Variants in POU6F2 observed in about 807,000 individuals in gnomAD.
POU6F2 encodes POU domain, class 6, transcription factor 2.
POU6F2 carries 31 observed loss-of-function variants against 71.3 expected under a neutral mutation model. The observed-to-expected ratio is 0.43, with a 90% confidence interval of 0.33 to 0.59. POU6F2 has a LOEUF of 0.59. Ranked by LOEUF, POU6F2 falls within the 20% of genes least tolerant of loss-of-function variation. The pLI is 0.04. For missense variants in POU6F2, 783 were observed against 856.8 expected (o/e 0.91, Z 1.07); for synonymous variants, 347 against 355.7 (o/e 0.98, Z 0.27).
chr7:39,423,339 A>G (rs1288033436), intron 6 of POU6F2, among the ~76,000 whole-genome samples: 1 of 152,208 alleles, frequency 6.6e-6, no homozygotes, highest in Non-Finnish European at 1.5e-5. Context: ...GAATACTCCT[A>G]CTAATCCAAA....
chr7:38,978,137 G>C (rs563226520), intron 1 of POU6F2, 79 bp downstream of exon 1: 3 of 152,230 alleles, frequency 2.0e-5, no homozygotes, highest in African/African-American at 7.2e-5. Context: ...CATATTTACA[G>C]TACCATCTTT....
intron 1 of POU6F2, among the ~76,000 whole-genome samples, chr7:39,008,242 C>T (rs1789143464): frequency 1.3e-5 from 2 of 151,232 alleles, no homozygotes; most frequent in South Asian, 4.2e-4. Context: ...GATGGTATCT[C>T]ATTGTGGTTT....
intron 1 of POU6F2, among the ~76,000 whole-genome samples, chr7:39,076,194 T>C (rs1458806938): frequency 1.3e-5 from 2 of 151,996 alleles, no homozygotes; most frequent in Non-Finnish European, 2.9e-5. Flanking sequence ...TTCCCTTCTC[T>C]TCCTTTCCTT....
chr7:39,405,072 T>G (rs1429504568), intron 5 of POU6F2: 1 of 152,176 alleles, frequency 6.6e-6, no homozygotes, highest in Non-Finnish European at 1.5e-5. Flanking sequence ...AGTAATCAAC[T>G]TAAAATGGAT....
chr7:39,016,264 A>G (rs957462293), intron 1 of POU6F2, among the ~76,000 whole-genome samples: 7 of 147,888 alleles, frequency 4.7e-5, no homozygotes, highest in Non-Finnish European at 7.4e-5. Context: ...AAAATACAGT[A>G]TATACTATAT....
intron 2 of POU6F2, among the ~76,000 whole-genome samples, chr7:39,141,754 A>G (rs1792508916): frequency 6.6e-6 from 1 of 152,246 alleles, no homozygotes; most frequent in African/African-American, 2.4e-5. Context: ...ATGGAAATTT[A>G]GGAATGCCAC....
At chr7:39,144,926 AAGTGGCC>A (rs1792585175) in intron 2 of POU6F2, among the ~76,000 whole-genome samples, 2 of 152,132 alleles carry the variant, frequency 1.3e-5, no homozygotes, top group Admixed American at 1.3e-4. Flanking sequence ...ACTGGAGTTC[AAGTGGCC>A]CAGGTCATTA....
intron 4 of POU6F2, among the ~76,000 whole-genome samples, chr7:39,248,460 A>C (rs1783859016): frequency 6.6e-6 from 1 of 152,186 alleles, no homozygotes; most frequent in South Asian, 2.1e-4. Flanking sequence ...GAACTCCTGC[A>C]TGAGGCTGCT....
rs539140308 is a variant in POU6F2 at position 39,271,702 on chromosome 7, G to T, written c.598+64082G>T. Among the ~76,000 whole-genome samples the T allele has an allele frequency of 3.3e-5, 5 of 152,218 alleles. No homozygotes were observed. The East Asian group carries it at 9.7e-4, about 29-fold the overall frequency. On this transcript the variant is annotated intron_variant, in intron 4 of 9. Coordinates refer to ENST00000518318, the MANE Select transcript of POU6F2 (RefSeq NM_001370959.1). ...CCTGCTCGATGTGCCACAACTTTCC[G>T]TCAGTAACATGCCTATATGCTCATT... is the stretch of plus-strand genomic sequence containing the variant.
At position 39,460,722 on chromosome 7, in the gene POU6F2, C is replaced by G. The variant is rs369272246; in HGVS notation, c.1658+7C>G. ...GCCAGTCGGCCATCTGCAGGTAACGCGCGCCTGCATGCTGTCACCTCTTCT... is the reference window on the plus strand; with the variant it reads ...GCCAGTCGGCCATCTGCAGGTAACGGGCGCCTGCATGCTGTCACCTCTTCT... On this transcript the variant is annotated splice_region_variant and intron_variant, in intron 9 of 9. Transcript: ENST00000518318. This position sits in a 1 kb window ranked among gnomAD's most constrained non-coding sequence, Gnocchi z 4.4. The G allele has an allele frequency of 1.9e-6, 3 of 1,583,862 alleles. No homozygotes were observed. In the African/African-American group the frequency reaches 4.0e-5, roughly 21 times the overall value.
At chr7:39,046,644 C>T (rs1471749113) in intron 1 of POU6F2, among the ~76,000 whole-genome samples, 1 of 151,846 alleles carries the variant, frequency 6.6e-6, no homozygotes, top group African/African-American at 2.4e-5. Flanking sequence ...TCATGGGAGC[C>T]TGTCTTTTTC....
chr7:38,996,035 C>CTTTTTTTTTTTTT (rs5883669), intron 1 of POU6F2, among the ~76,000 whole-genome samples: 26 of 85,368 alleles, frequency 3.0e-4, no homozygotes, highest in South Asian at 5.2e-4. Flanking sequence ...AGGGGCTTGG[C>CTTTTTTTTTTTTT]TTTTTTTTTT....
At chr7:39,175,397 A>T (rs1793306504) in intron 2 of POU6F2, among the ~76,000 whole-genome samples, 1 of 152,128 alleles carries the variant, frequency 6.6e-6, no homozygotes, top group Non-Finnish European at 1.5e-5. Context: ...TTTGAGTGTG[A>T]AAAAGAGGTA....
At chr7:39,266,602 C>G (rs555749028) in intron 4 of POU6F2, among the ~76,000 whole-genome samples, 160 of 151,884 alleles carry the variant, frequency 1.1e-3, no homozygotes, top group African/African-American at 3.6e-3. Flanking sequence ...GTGATCATAG[C>G]TCACCATAGC....
chr7:39,293,862 T>A (rs1181489435), intron 4 of POU6F2, among the ~76,000 whole-genome samples: 5 of 152,134 alleles, frequency 3.3e-5, no homozygotes, highest in Non-Finnish European at 5.9e-5. Context: ...AATTGCACTG[T>A]CCCTGGGGAA....
intron 2 of POU6F2, among the ~76,000 whole-genome samples, chr7:39,116,457 AG>A (rs1425396103): frequency 2.0e-5 from 3 of 152,210 alleles, no homozygotes; most frequent in African/African-American, 7.2e-5. Flanking sequence ...AATGTTTACA[AG>A]GTGCCAGGTA....
intron 2 of POU6F2, among the ~76,000 whole-genome samples, chr7:39,167,001 T>C (rs1260398694): frequency 6.6e-6 from 1 of 152,216 alleles, no homozygotes; most frequent in Non-Finnish European, 1.5e-5. Flanking sequence ...CTTTGTAGCA[T>C]ATTCAAATAA....
intron 4 of POU6F2, among the ~76,000 whole-genome samples, chr7:39,314,423 G>T (rs1310859107): frequency 6.6e-6 from 1 of 152,206 alleles, no homozygotes; most frequent in Non-Finnish European, 1.5e-5. Flanking sequence ...AAGGGTAAAA[G>T]ACCTTATGTG....
intron 4 of POU6F2, among the ~76,000 whole-genome samples, chr7:39,225,876 A>G (rs997503932): frequency 1.3e-5 from 2 of 152,172 alleles, no homozygotes; most frequent in African/African-American, 2.4e-5. Flanking sequence ...ATTTCATGCC[A>G]TAAAAACACA....
Sources: allele counts gnomAD v4.1 joint callset (sites outside exome capture counted in the v4.1 genomes callset), GRCh38; gene constraint gnomAD v4.1.1; non-coding constraint Gnocchi (gnomAD v3.1); transcripts MANE v1.5; gene names NCBI Gene and HGNC (gene_info 2026-07-23, HGNC 2026-07-21).